Variants in VAMP7 observed in about 807,000 individuals in gnomAD.
VAMP7 encodes vesicle-associated membrane protein 7.
Under a neutral mutation model 29.6 loss-of-function variants are expected in VAMP7, and 14 were observed. The ratio of observed to expected loss-of-function variants is 0.47; its 90% CI spans 0.31 to 0.74. The LOEUF (loss-of-function observed/expected upper bound fraction) is 0.74. VAMP7 is among the 30% of genes least tolerant of loss of function. The pLI is 0.05. For missense variants in VAMP7, 223 were observed against 262.4 expected (o/e 0.85, Z 1.04); for synonymous variants, 95 against 88.1 (o/e 1.08, Z -0.44).
chrX:155,902,943 G>A (rs1270658818), intron 5 of VAMP7, among the ~76,000 whole-genome samples: 2 of 151,660 alleles, frequency 1.3e-5, no homozygotes, highest in African/African-American at 4.8e-5. Context: ...CAGAAGGAAT[G>A]GTACCAGTTC....
In VAMP7 at chrX:155,895,716, G is replaced by A. The variant is rs752686844; in HGVS notation, c.204+36G>A. 1.9e-6 allele frequency: 3 copies of A among 1,568,028 alleles called. No individual in the cohort carries two copies. In the South Asian group the frequency reaches 3.3e-5, roughly 17 times the overall value. ...TGAAGACATATTGCTATTTAACTAT[G>A]TGTACTGTTAATACAGCCAGTTCTT... On this transcript the variant is annotated intron_variant, in intron 3 of 7. Transcript: ENST00000286448.
chrX:155,928,784 T>G lies in VAMP7; in HGVS notation c.501+8904T>G, dbSNP rs1241096775. On this transcript the variant is annotated intron_variant, in intron 6 of 7. Coordinates refer to ENST00000286448, the MANE Select transcript of VAMP7 (RefSeq NM_005638.6). ...CAATTGTTCTTTATAGGTGAACTTG[T>G]TTTAAACAGATGGTTTGTCAGTGTT... is the stretch of plus-strand genomic sequence containing the variant. 2.6e-5 allele frequency among the ~76,000 whole-genome samples: 4 copies of G among 152,308 alleles called. No individual in the cohort carries two copies. In the East Asian group the frequency reaches 7.7e-4, roughly 29 times the overall value.
chrX:155,888,784 G>T (rs754279516), intron 1 of VAMP7, among the ~76,000 whole-genome samples: 1 of 152,220 alleles, frequency 6.6e-6, no homozygotes, highest in South Asian at 2.1e-4. Flanking sequence ...CTAAGATTAT[G>T]AGCTCTAGAA....
At chrX:155,907,915 C>G (rs1173820711) in intron 5 of VAMP7, among the ~76,000 whole-genome samples, 1 of 151,924 alleles carries the variant, frequency 6.6e-6, no homozygotes, top group African/African-American at 2.4e-5. Flanking sequence ...CCTCACCTCC[C>G]AGAAGGGGCG....
At chrX:155,930,412 G>A (rs1321534857) in intron 6 of VAMP7, among the ~76,000 whole-genome samples, 2 of 151,654 alleles carry the variant, frequency 1.3e-5, no homozygotes, top group Admixed American at 6.6e-5. Context: ...GGAGGCCAAA[G>A]CTGAAAGATC....
intron 6 of VAMP7, among the ~76,000 whole-genome samples, chrX:155,926,898 G>A (rs757253572): frequency 6.6e-6 from 1 of 152,222 alleles, no homozygotes; most frequent in South Asian, 2.1e-4. Context: ...GCCTGAGAGG[G>A]AGAGAGATAA....
rs1016280573 is a variant in VAMP7, at chrX:155,924,177, G to GT, written c.501+4303dup. Among the ~76,000 whole-genome samples the GT allele has an allele frequency of 7.6e-4, 116 of 152,008 alleles. 1 individual carries two copies. Among genetic ancestry groups the GT allele is most frequent in the African/African-American group, 2.6e-3 (107 of 41,460 alleles). On this transcript the variant is annotated intron_variant, in intron 6 of 7. Coordinates refer to ENST00000286448, the MANE Select transcript of VAMP7 (RefSeq NM_005638.6). Reference sequence around the variant, plus strand: ...AATTGTTTTTTAACCATCTCTATTTGTTTTTTAACACTTCTATTGAGAGAT... The same window carrying GT: ...AATTGTTTTTTAACCATCTCTATTTGTTTTTTTAACACTTCTATTGAGAGAT...
At chrX:155,899,181 G>A (rs2066026470) in intron 4 of VAMP7, among the ~76,000 whole-genome samples, 1 of 151,632 alleles carries the variant, frequency 6.6e-6, no homozygotes, top group Non-Finnish European at 1.5e-5. Flanking sequence ...TGGGTCATAT[G>A]GTAGGTGATG....
chrX:155,887,093 A>G (rs1035342164), intron 1 of VAMP7, among the ~76,000 whole-genome samples: 3 of 152,118 alleles, frequency 2.0e-5, no homozygotes, highest in African/African-American at 4.8e-5. Context: ...TACAGTCTTC[A>G]TTCTCTTTCT....
At chrX:155,898,399 A>C in intron 4 of VAMP7, 150 bp downstream of exon 4, 1 of 1,034,766 alleles carries the variant, frequency 9.7e-7, no homozygotes, top group South Asian at 2.1e-5. Context: ...TTAAAAAAAA[A>C]ATGTAAAGGG....
chrX:155,890,392 ACT>A (rs1247867690), intron 2 of VAMP7, among the ~76,000 whole-genome samples: 3 of 151,940 alleles, frequency 2.0e-5, no homozygotes, highest in East Asian at 1.9e-4. Flanking sequence ...ACAGAGTCTC[ACT>A]CTGTCACCCA....
intron 5 of VAMP7, among the ~76,000 whole-genome samples, chrX:155,915,154 G>T (rs1020105217): frequency 1.6e-4 from 24 of 152,236 alleles, no homozygotes; most frequent in Non-Finnish European, 3.2e-4. Context: ...TTGCATAGAG[G>T]TGTTTATAGT....
rs1214581118 is a variant in VAMP7 at position 155,943,626 on chromosome X, A to G, written c.*1675A>G. 6.6e-6 allele frequency: 1 copy of G among 152,184 alleles called. No individual in the cohort carries two copies. The highest frequency in any genetic ancestry group is 1.5e-5 in the Non-Finnish European group (1 of 68,026). The allele number at this position is 152,184 out of a possible 1,614,324, so 9.4% of individuals were successfully genotyped here. On this transcript the variant is annotated 3_prime_UTR_variant, in exon 8 of 8. Transcript: ENST00000286448. ...TTCCCTTTCTTATACACACCTGAAT[A>G]AAATTGATGTGCATGTTTTAGGGAT...
At chrX:155,892,874 T>C (rs2065941751) in intron 2 of VAMP7, among the ~76,000 whole-genome samples, 1 of 151,922 alleles carries the variant, frequency 6.6e-6, no homozygotes, top group Non-Finnish European at 1.5e-5. Flanking sequence ...TGCCTCAGCC[T>C]CCCGAGTAAC....
At chrX:155,899,480 A>G (rs368081319) in intron 4 of VAMP7, among the ~76,000 whole-genome samples, 263 of 152,110 alleles carry the variant, frequency 1.7e-3, no homozygotes, top group African/African-American at 5.8e-3. Flanking sequence ...CTGTATTGTA[A>G]TGGAATACTT....
chrX:155,922,059 T>C (rs1406564791), intron 6 of VAMP7, among the ~76,000 whole-genome samples: 1 of 152,100 alleles, frequency 6.6e-6, no homozygotes, highest in African/African-American at 2.4e-5. Context: ...AATATCATGC[T>C]TTTGTATTGT....
At chrX:155,923,426 C>CTT (rs753514889) in intron 6 of VAMP7, among the ~76,000 whole-genome samples, 6 of 144,096 alleles carry the variant, frequency 4.2e-5, no homozygotes, top group African/African-American at 1.5e-4. Context: ...ATTTCACTTC[C>CTT]TTTTTTTTTT....
chrX:155,930,349 A>T (rs2066530120), intron 6 of VAMP7, among the ~76,000 whole-genome samples: 1 of 152,130 alleles, frequency 6.6e-6, no homozygotes, highest in Non-Finnish European at 1.5e-5. Context: ...TAGAAAAATA[A>T]ATCAAGGCTG....
chrX:155,918,573 C>A (rs1032565116), intron 5 of VAMP7, among the ~76,000 whole-genome samples: 1 of 152,132 alleles, frequency 6.6e-6, no homozygotes, highest in Non-Finnish European at 1.5e-5. Context: ...AGTTCCCCGA[C>A]CCCTTGTGCT....
Sources: gnomAD v4.1 joint callset for allele counts (sites outside exome capture counted in the v4.1 genomes callset) on GRCh38, gnomAD v4.1.1 for gene constraint, MANE v1.5 for transcripts, NCBI Gene and HGNC (gene_info 2026-07-23, HGNC 2026-07-21) for gene names.